NAA16: variants seen among roughly 807,000 people sequenced by gnomAD.
The protein encoded by NAA16 is N-alpha-acetyltransferase 16, NatA auxiliary subunit.
NAA16 carries 97 observed loss-of-function variants against 110.3 expected under a neutral mutation model. The ratio of observed to expected loss-of-function variants is 0.88; its 90% CI spans 0.75 to 1.04. The LOEUF (loss-of-function observed/expected upper bound fraction) is 1.04. Ranked by LOEUF, NAA16 falls within the 50% of genes least tolerant of loss-of-function variation. The pLI, the probability that NAA16 is intolerant of heterozygous loss-of-function variation, is 0.00. For missense variants in NAA16, 1,017 were observed against 1,005.1 expected (o/e 1.01, Z -0.16); for synonymous variants, 372 against 330.6 (o/e 1.13, Z -1.36).
chr13:41,316,624 T>C (rs921614231), intron 1 of NAA16, among the ~76,000 whole-genome samples: 1 of 152,150 alleles, frequency 6.6e-6, no homozygotes, highest in Non-Finnish European at 1.5e-5. Flanking sequence ...GTTTTTTAAA[T>C]GTCTTTTTTC....
At chr13:41,311,666 C>T in intron 1 of NAA16, 84 bp downstream of exon 1, 3 of 1,337,808 alleles carry the variant, frequency 2.2e-6, no homozygotes, top group Non-Finnish European at 3.1e-6. Context: ...GCGGCCGGCG[C>T]GGGCCAGGCT....
chr13:41,341,471 CT>C (rs1370701457), intron 9 of NAA16, among the ~76,000 whole-genome samples: 1 of 152,152 alleles, frequency 6.6e-6, no homozygotes, highest in African/African-American at 2.4e-5. Flanking sequence ...TAATCCAGCA[CT>C]TTGGGAGGCT....
chr13:41,323,704 C>T (rs984946897), intron 5 of NAA16, among the ~76,000 whole-genome samples: 2 of 151,408 alleles, frequency 1.3e-5, no homozygotes, highest in East Asian at 1.9e-4. Context: ...AGGCTGGTCT[C>T]GAACTCCTGG....
At chr13:41,334,772 T>TTTTCTTGTCTG (rs1360342363) in intron 8 of NAA16, among the ~76,000 whole-genome samples, 2 of 152,146 alleles carry the variant, frequency 1.3e-5, no homozygotes, top group Non-Finnish European at 2.9e-5. Flanking sequence ...AGTGAAGTCT[T>TTTTCTTGTCTG]TTTCTTGTCT....
At chr13:41,368,985 C>A in intron 14 of NAA16, 105 bp from the exon 15 acceptor site, 1 of 929,394 alleles carries the variant, frequency 1.1e-6, no homozygotes, top group South Asian at 2.1e-5. Flanking sequence ...TGAACCAATC[C>A]CCCACTGATA....
chr13:41,328,489 A>C (rs1481040666), intron 6 of NAA16, among the ~76,000 whole-genome samples: 1 of 152,150 alleles, frequency 6.6e-6, no homozygotes, highest in African/African-American at 2.4e-5. Context: ...CTAACAAATT[A>C]ATGTCCTATG....
intron 8 of NAA16, among the ~76,000 whole-genome samples, chr13:41,332,988 A>ATATTAATTAATT (rs1253153080): frequency 6.6e-6 from 1 of 152,056 alleles, no homozygotes; most frequent in Non-Finnish European, 1.5e-5. Context: ...TTTTCCAGGG[A>ATATTAATTAATT]ACATTAAGTC....
rs74827010 is a variant in NAA16 at position 41,318,443 on chromosome 13, C to G, written c.140-363C>G. 1.1e-3 allele frequency among the ~76,000 whole-genome samples: 173 copies of G among 152,228 alleles called. 3 individuals are homozygous for G. The East Asian group carries it at 0.031, about 27-fold the overall frequency. On this transcript the variant is annotated intron_variant, in intron 2 of 19. Transcript: ENST00000379406. ...TCTCGAACTCTTGACCTCAGATGAT[C>G]CACCCGCCTCAGCCTCCCTGAGTGC...
Position 41,315,191 on chromosome 13 carries a change from G to A in NAA16, c.55-1655G>A, listed in dbSNP as rs114968911. Among the ~76,000 whole-genome samples the A allele has an allele frequency of 8.0e-3, 1,211 of 152,298 alleles. 17 individuals carry two copies. Among genetic ancestry groups the A allele is most frequent in the African/African-American group, 0.028 (1,152 of 41,532 alleles). On this transcript the variant is annotated intron_variant, in intron 1 of 19. Transcript: ENST00000379406. Reference sequence around the variant, plus strand: ...TATTTGATAAAGTGGGCAAGTAGGGGACATGTGAGACTTGGATAATGAGGA... The same window carrying A: ...TATTTGATAAAGTGGGCAAGTAGGGAACATGTGAGACTTGGATAATGAGGA...
At chr13:41,327,611 C>T (rs1396535470) in intron 6 of NAA16, among the ~76,000 whole-genome samples, 1 of 151,910 alleles carries the variant, frequency 6.6e-6, no homozygotes, top group Non-Finnish European at 1.5e-5. Flanking sequence ...CTAGTAATAA[C>T]CTTTGCTTCA....
chr13:41,371,692 C>T (rs1300907735), intron 15 of NAA16, among the ~76,000 whole-genome samples: 1 of 152,170 alleles, frequency 6.6e-6, no homozygotes, highest in East Asian at 1.9e-4. Context: ...ATTGGTAAGG[C>T]TTCCAGTCAA....
At chr13:41,350,798 A>AT (rs1252971405) in intron 9 of NAA16, among the ~76,000 whole-genome samples, 6 of 150,754 alleles carry the variant, frequency 4.0e-5, no homozygotes, top group African/African-American at 1.5e-4. Context: ...CTTTTGTTGT[A>AT]TTTTTTTGTA....
In NAA16 at chr13:41,346,563, G is replaced by A. The variant is rs1010223899; in HGVS notation, c.1015-8581G>A. 3.9e-5 allele frequency among the ~76,000 whole-genome samples: 6 copies of A among 152,164 alleles called. No homozygotes were observed. The South Asian group carries it at 1.2e-3, about 31-fold the overall frequency. ...ACTGCCTTCATCGAGGTTTCCTTAGGGTAGGGCAGGGCGAACAGTTTAGTT... is the reference window on the plus strand; with the variant it reads ...ACTGCCTTCATCGAGGTTTCCTTAGAGTAGGGCAGGGCGAACAGTTTAGTT... On this transcript the variant is annotated intron_variant, in intron 9 of 19. Coordinates refer to ENST00000379406, the MANE Select transcript of NAA16 (RefSeq NM_024561.5).
In NAA16 at chr13:41,362,674, G is replaced by T. The variant is rs1405685076; in HGVS notation, c.1539+515G>T. On this transcript the variant is annotated intron_variant, in intron 13 of 19. Coordinates refer to ENST00000379406, the MANE Select transcript of NAA16 (RefSeq NM_024561.5). ...TTTGTGTGATGTGCCTTAGTGAGGGGACTTTTCTTTTCCTTTGTGTGAATT... is the reference window on the plus strand; with the variant it reads ...TTTGTGTGATGTGCCTTAGTGAGGGTACTTTTCTTTTCCTTTGTGTGAATT... 10 of 1,280,676 alleles carry T rather than the reference G, an allele frequency of 7.8e-6. No homozygotes were observed. The South Asian group carries it at 1.2e-4, about 16-fold the overall frequency. The allele number at this position is 1,280,676 out of a possible 1,614,324, so 79.3% of individuals were successfully genotyped here. A position where few individuals can be genotyped will look rare whatever the true frequency, so the allele number is the denominator to read the frequency against.
Position 41,369,192 on chromosome 13 carries a change from G to T in NAA16, c.1856G>T (p.Arg619Leu), listed in dbSNP as rs142294170. 1 of 1,589,992 alleles carries T rather than the reference G, an allele frequency of 6.3e-7. No homozygotes were observed. The part of the protein sequence containing the change: ...EEERKHAERE[R>L]QQKNQKKKRD... ...GAAAGAAAGCATGCAGAAAGAGAAC[G>T]TCAACAGAAAAATCAAAAGAAAAAA... is the stretch of plus-strand genomic sequence containing the variant. The change falls in exon 15 of 20, where the codon CGT (arginine) becomes CTT (leucine). Residue 619 changes from arginine (R) to leucine (L), a missense_variant. Coordinates refer to ENST00000379406, the MANE Select transcript of NAA16 (RefSeq NM_024561.5).
At chr13:41,366,505 CAGTATA>C (rs1237479446) in intron 13 of NAA16, among the ~76,000 whole-genome samples, 10 of 152,178 alleles carry the variant, frequency 6.6e-5, no homozygotes, top group East Asian at 1.9e-4. Flanking sequence ...TGCAGGGGAA[CAGTATA>C]AGTATAAGAT....
chr13:41,311,558 G>C lies in NAA16; in HGVS notation c.30G>C (p.Glu10Asp), dbSNP rs747619756. 8 of 1,608,674 alleles carry C rather than the reference G, an allele frequency of 5.0e-6. No individual in the cohort carries two copies. In the East Asian group the frequency reaches 1.6e-4, roughly 32 times the overall value. MPNVLLPPKESNLFKRILKC... is the reference protein window; with the variant it reads MPNVLLPPKDSNLFKRILKC... ...CGAACGTGCTGCTGCCGCCCAAGGA[G>C]AGCAACCTCTTCAAACGCATCTTGG... Residue 10 changes from glutamate to aspartate, a missense_variant, in exon 1 of 20, where the codon GAG becomes GAC. Transcript: ENST00000379406.
chr13:41,334,256 C>T (rs2042318462), intron 8 of NAA16, among the ~76,000 whole-genome samples: 1 of 151,572 alleles, frequency 6.6e-6, no homozygotes, highest in Non-Finnish European at 1.5e-5. Context: ...GGGCTTCATA[C>T]CTACAGAACA....
intron 2 of NAA16, among the ~76,000 whole-genome samples, chr13:41,318,432 C>T (rs1482141113): frequency 6.6e-6 from 1 of 152,088 alleles, no homozygotes; most frequent in Non-Finnish European, 1.5e-5. Context: ...GAACTCTTGA[C>T]CTCAGATGAT....
Sources: gnomAD v4.1 joint callset for allele counts (sites outside exome capture counted in the v4.1 genomes callset) on GRCh38, gnomAD v4.1.1 for gene constraint, MANE v1.5 for transcripts, NCBI Gene and HGNC (gene_info 2026-07-23, HGNC 2026-07-21) for gene names.